Variants in TES observed in about 807,000 individuals in gnomAD.
TES encodes the protein testin.
A neutral mutation model predicts 48.2 loss-of-function variants in TES; 41 were observed. The observed-to-expected ratio is 0.85, with a 90% CI of 0.66 to 1.10. TES has a LOEUF of 1.10. Ranked by LOEUF, TES falls within the 50% of genes least tolerant of loss-of-function variation. The probability of loss-of-function intolerance (pLI) is 0.00; values close to 1 mark genes in which losing one functional copy is unlikely to be tolerated. For synonymous variants in TES, 162 were observed against 174.9 expected (o/e 0.93, Z 0.58); for missense variants, 463 against 515.1 (o/e 0.90, Z 0.98).
Position 116,234,778 on chromosome 7 carries a change from C to T in TES, c.113+159C>T, listed in dbSNP as rs184726958. 6.0e-4 allele frequency among the ~76,000 whole-genome samples: 91 copies of T among 152,238 alleles called. No homozygotes were observed. The Middle Eastern group carries it at 0.021, about 34-fold the overall frequency. ...GAATACAACATAAAAAGTGTTCTGT[C>T]TTACTGTCATTAAGTTTGACTTAGT... On this transcript the variant is annotated intron_variant, in intron 2 of 6. Coordinates refer to ENST00000358204, the MANE Select transcript of TES (RefSeq NM_015641.4).
intron 6 of TES, among the ~76,000 whole-genome samples, chr7:116,255,768 T>C (rs1584632398): frequency 1.3e-5 from 2 of 152,310 alleles, no homozygotes; most frequent in East Asian, 3.9e-4. Context: ...ACTGTTCTTA[T>C]CACAAGGAAA....
At chr7:116,257,155 A>G (rs886777347) in intron 6 of TES, 139 bp from the exon 7 acceptor site, 20 of 909,428 alleles carry the variant, frequency 2.2e-5, no homozygotes, top group Non-Finnish European at 3.0e-5. Context: ...GGTTAGCTAG[A>G]AGGCCACCCT....
At chr7:116,219,857 A>G (rs1288984897) in intron 1 of TES, among the ~76,000 whole-genome samples, 2 of 152,158 alleles carry the variant, frequency 1.3e-5, no homozygotes, top group African/African-American at 4.8e-5. Context: ...ACACGTTTCA[A>G]AGCAGAGTAG....
intron 1 of TES, among the ~76,000 whole-genome samples, chr7:116,229,753 G>A (rs1426388574): frequency 6.6e-6 from 1 of 152,168 alleles, no homozygotes; most frequent in Non-Finnish European, 1.5e-5. Flanking sequence ...CTGCTACTGT[G>A]TAATTTTATA....
rs183679412 is a variant in TES at position 116,213,805 on chromosome 7, T to A, written c.27+3071T>A. Among the ~76,000 whole-genome samples, 180 of 152,340 alleles carry A rather than the reference T, an allele frequency of 1.2e-3. 2 individuals carry two copies. Among genetic ancestry groups the A allele is most frequent in the African/African-American group, 4.2e-3 (175 of 41,586 alleles). On this transcript the variant is annotated intron_variant, in intron 1 of 6. Transcript: ENST00000358204. ...GTTACACATCTAGACCTCTTTCTTA[T>A]TTTTTAAGTCTCATCTTAATTGGCT...
At position 116,245,436 on chromosome 7, in the gene TES, A is replaced by C. The variant is rs917118694; in HGVS notation, c.114-3584A>C. Among the ~76,000 whole-genome samples, 3 of 152,080 alleles carry C rather than the reference A, an allele frequency of 2.0e-5. No individual in the cohort carries two copies. The East Asian group carries it at 5.8e-4, about 29-fold the overall frequency. ...AGCTCCCAACAAGTTCCTCATCTCT[A>C]TCTGAGACCACCTCAGCCTGGACTT... On this transcript the variant is annotated intron_variant, in intron 2 of 6. Coordinates refer to ENST00000358204, the MANE Select transcript of TES (RefSeq NM_015641.4).
At chr7:116,228,944 C>G (rs897844847) in intron 1 of TES, among the ~76,000 whole-genome samples, 1 of 148,012 alleles carries the variant, frequency 6.8e-6, no homozygotes, top group Non-Finnish European at 1.5e-5. Flanking sequence ...TGACTCTCCT[C>G]CAGGGATCTT....
chr7:116,235,387 C>A (rs751763278), intron 2 of TES, among the ~76,000 whole-genome samples: 2 of 152,126 alleles, frequency 1.3e-5, no homozygotes, highest in Non-Finnish European at 2.9e-5. Context: ...GAATTTAGAT[C>A]TCTTTAAAAT....
At chr7:116,214,044 A>T (rs757635701) in intron 1 of TES, among the ~76,000 whole-genome samples, 1 of 151,980 alleles carries the variant, frequency 6.6e-6, no homozygotes, top group Non-Finnish European at 1.5e-5. Flanking sequence ...TACTGCCTGG[A>T]ATTGCTGCAG....
intron 1 of TES, among the ~76,000 whole-genome samples, chr7:116,226,176 CAATT>C (rs1366552787): frequency 2.6e-5 from 4 of 152,078 alleles, no homozygotes; most frequent in Non-Finnish European, 2.9e-5. Flanking sequence ...ATAATTAAAA[CAATT>C]AAATAAATAA....
At chr7:116,214,071 C>T (rs1434519776) in intron 1 of TES, among the ~76,000 whole-genome samples, 1 of 151,850 alleles carries the variant, frequency 6.6e-6, no homozygotes, top group African/African-American at 2.4e-5. Flanking sequence ...TTCATTTTAC[C>T]GTGTTCATTT....
At chr7:116,228,012 T>G (rs1223744150) in intron 1 of TES, among the ~76,000 whole-genome samples, 1 of 144,192 alleles carries the variant, frequency 6.9e-6, no homozygotes, top group African/African-American at 2.6e-5. Context: ...TTTTTTGTTT[T>G]TTTTTTTTTG....
intron 1 of TES, among the ~76,000 whole-genome samples, chr7:116,220,392 CAGTT>C (rs970812969): frequency 5.3e-5 from 8 of 152,116 alleles, no homozygotes; most frequent in African/African-American, 1.4e-4. Flanking sequence ...TTTTCTCTAA[CAGTT>C]AGGGAATTTA....
chr7:116,220,581 G>A lies in TES; in HGVS notation c.27+9847G>A, dbSNP rs956213998. Among the ~76,000 whole-genome samples, 7 of 152,286 alleles carry A rather than the reference G, an allele frequency of 4.6e-5. No individual in the cohort carries two copies. The South Asian group carries it at 1.4e-3, about 32-fold the overall frequency. Reference sequence around the variant, plus strand: ...ATTAAATAAAGTAGTACATGTAAATGTTTAGAACAGTGCCTGACATATAGC... The same window carrying A: ...ATTAAATAAAGTAGTACATGTAAATATTTAGAACAGTGCCTGACATATAGC... On this transcript the variant is annotated intron_variant, in intron 1 of 6. Transcript: ENST00000358204.
chr7:116,220,351 T>A (rs1168269238), intron 1 of TES, among the ~76,000 whole-genome samples: 2 of 152,166 alleles, frequency 1.3e-5, no homozygotes, highest in Non-Finnish European at 2.9e-5. Flanking sequence ...AGCCAGAGGG[T>A]AGGATCATCC....
chr7:116,243,995 C>T (rs1312410776), intron 2 of TES: 2 of 152,176 alleles, frequency 1.3e-5, no homozygotes, highest in East Asian at 1.9e-4. Context: ...AACTCACTCA[C>T]CATCACGAGA....
At chr7:116,231,109 C>G (rs910513567) in intron 1 of TES, among the ~76,000 whole-genome samples, 3 of 152,142 alleles carry the variant, frequency 2.0e-5, no homozygotes, top group African/African-American at 7.2e-5. Context: ...AACAGTAGAG[C>G]AGGAGCCAGA....
intron 2 of TES, among the ~76,000 whole-genome samples, chr7:116,246,698 TC>T (rs1239423882): frequency 6.6e-6 from 1 of 152,108 alleles, no homozygotes; most frequent in African/African-American, 2.4e-5. Context: ...CCTTTTCTCC[TC>T]CCCAGATACA....
chr7:116,216,248 C>T (rs894039194), intron 1 of TES, among the ~76,000 whole-genome samples: 3 of 152,100 alleles, frequency 2.0e-5, no homozygotes, highest in Admixed American at 1.3e-4. Context: ...ATACCAATCA[C>T]TAGTGTGTTT....
Sources: gnomAD v4.1 joint callset for allele counts (sites outside exome capture counted in the v4.1 genomes callset) on GRCh38, gnomAD v4.1.1 for gene constraint, MANE v1.5 for transcripts, NCBI Gene and HGNC (gene_info 2026-07-23, HGNC 2026-07-21) for gene names.